The following FGF12 variants were observed in gnomAD, a reference collection of about 807,000 sequenced individuals.
FGF12 encodes fibroblast growth factor 12B.
FGF12 carries 14 observed loss-of-function variants against 23.6 expected under a neutral mutation model. The observed-to-expected ratio is 0.59, with a 90% CI of 0.39 to 0.93. The LOEUF is 0.93. FGF12 is among the 40% of genes least tolerant of loss of function. The pLI, the probability that FGF12 is intolerant of heterozygous loss-of-function variation, is 0.00. For missense variants in FGF12, 175 were observed against 217.8 expected (o/e 0.80, Z 1.24); for synonymous variants, 62 against 77.3 (o/e 0.80, Z 1.04).
chr3:192,569,734 C>T (rs1712507975), intron 2 of FGF12, among the ~76,000 whole-genome samples: 1 of 152,210 alleles, frequency 6.6e-6, no homozygotes, highest in African/African-American at 2.4e-5. Flanking sequence ...GATTTGAACT[C>T]AGATCTGTCT....
intron 2 of FGF12, among the ~76,000 whole-genome samples, chr3:192,690,921 A>C (rs2108719624): frequency 6.6e-6 from 1 of 152,162 alleles, no homozygotes; most frequent in African/African-American, 2.4e-5. Flanking sequence ...TAAGCCAAAA[A>C]CTGTTATAAG....
chr3:192,688,854 G>C (rs1717851698), intron 2 of FGF12, among the ~76,000 whole-genome samples: 1 of 152,058 alleles, frequency 6.6e-6, no homozygotes, highest in Non-Finnish European at 1.5e-5. Flanking sequence ...TTCATCAGTG[G>C]ACAAACGGAT....
intron 2 of FGF12, among the ~76,000 whole-genome samples, chr3:192,537,733 A>T (rs1276656897): frequency 1.3e-5 from 2 of 152,002 alleles, no homozygotes; most frequent in African/African-American, 4.8e-5. Context: ...ATTTTCCCCC[A>T]TTCTGTGGGT....
intron 5 of FGF12, among the ~76,000 whole-genome samples, chr3:192,154,887 G>A (rs1165856750): frequency 7.3e-6 from 1 of 137,496 alleles, no homozygotes; most frequent in Non-Finnish European, 1.6e-5. Context: ...ACAAGCCTGG[G>A]CAATGGCGGG....
At position 192,540,872 on chromosome 3, in the gene FGF12, C is replaced by G. The variant is rs182721025; in HGVS notation, c.14-180334G>C. ...TTACATCATTTTGCTGAATTGATTT[C>G]TTTATCATTATGTAATGACCTTCTT... On this transcript the variant is annotated intron_variant, in intron 2 of 5. Transcript: ENST00000445105. Among the ~76,000 whole-genome samples the G allele has an allele frequency of 4.2e-4, 64 of 152,178 alleles. No homozygotes were observed. In the East Asian group the frequency reaches 9.4e-3, roughly 22 times the overall value.
intron 2 of FGF12, among the ~76,000 whole-genome samples, chr3:192,655,543 A>G (rs1032562102): frequency 1.3e-5 from 2 of 152,216 alleles, no homozygotes; most frequent in Admixed American, 6.5e-5. Flanking sequence ...TGACTTCTAC[A>G]TCAAGGGAAA....
At chr3:192,680,220 G>A (rs556456027) in intron 2 of FGF12, among the ~76,000 whole-genome samples, 1 of 152,178 alleles carries the variant, frequency 6.6e-6, no homozygotes, top group African/African-American at 2.4e-5. Flanking sequence ...GGACACCACT[G>A]TTCCAAACCT....
intron 4 of FGF12, among the ~76,000 whole-genome samples, chr3:192,172,359 G>A (rs1560178106): frequency 1.3e-5 from 2 of 150,206 alleles, no homozygotes; most frequent in Admixed American, 6.7e-5. Context: ...CCACACTCCA[G>A]CTTGGGTGAC....
At chr3:192,631,812 T>C (rs1715400295) in intron 2 of FGF12, among the ~76,000 whole-genome samples, 1 of 152,080 alleles carries the variant, frequency 6.6e-6, no homozygotes, top group Non-Finnish European at 1.5e-5. Flanking sequence ...CCTAGAAAAA[T>C]TATTTGGCCA....
At chr3:192,264,445 A>G (rs1231089068) in intron 4 of FGF12, among the ~76,000 whole-genome samples, 1 of 152,164 alleles carries the variant, frequency 6.6e-6, no homozygotes, top group Non-Finnish European at 1.5e-5. Context: ...GCTTGCATTC[A>G]TAACAGATAA....
chr3:192,572,220 A>T (rs1187832132), intron 2 of FGF12, among the ~76,000 whole-genome samples: 1 of 152,152 alleles, frequency 6.6e-6, no homozygotes, highest in African/African-American at 2.4e-5. Flanking sequence ...GAGCTCTTTC[A>T]CTTCTTCCAT....
At chr3:192,536,400 AAAC>A (rs1160027409) in intron 2 of FGF12, among the ~76,000 whole-genome samples, 18 of 152,214 alleles carry the variant, frequency 1.2e-4, no homozygotes, top group African/African-American at 4.1e-4. Context: ...AAAAGTAAGC[AAAC>A]AACAAACCAA....
chr3:192,469,900 C>T (rs1723121486), intron 2 of FGF12, among the ~76,000 whole-genome samples: 1 of 152,136 alleles, frequency 6.6e-6, no homozygotes, highest in Admixed American at 6.5e-5. Context: ...CACACGCCTA[C>T]ATAAAAATTA....
chr3:192,235,593 A>T (rs1190868927), intron 4 of FGF12, among the ~76,000 whole-genome samples: 1 of 152,072 alleles, frequency 6.6e-6, no homozygotes, highest in Admixed American at 6.6e-5. Context: ...AAGTGCTGGG[A>T]TTACAGGCGT....
intron 4 of FGF12, among the ~76,000 whole-genome samples, chr3:192,318,159 C>T (rs1716329066): frequency 6.6e-6 from 1 of 152,092 alleles, no homozygotes; most frequent in African/African-American, 2.4e-5. Flanking sequence ...ACTGCAAAGA[C>T]TACAAGAAAT....
At chr3:192,292,259 G>T (rs186699776) in intron 4 of FGF12, among the ~76,000 whole-genome samples, 23 of 151,894 alleles carry the variant, frequency 1.5e-4, no homozygotes, top group African/African-American at 5.3e-4. Flanking sequence ...TTGTGTTTGT[G>T]GCATTTTATT....
intron 2 of FGF12, among the ~76,000 whole-genome samples, chr3:192,688,814 A>G (rs1201594399): frequency 1.3e-5 from 2 of 152,258 alleles, no homozygotes; most frequent in Non-Finnish European, 2.9e-5. Context: ...CAGTATTCAC[A>G]ATAGCAAAAA....
chr3:192,698,956 C>T (rs1026196771), intron 2 of FGF12, among the ~76,000 whole-genome samples: 4 of 152,150 alleles, frequency 2.6e-5, no homozygotes, highest in African/African-American at 9.7e-5. Flanking sequence ...TTGACCCTTT[C>T]AGAAAAGTTC....
intron 2 of FGF12, among the ~76,000 whole-genome samples, chr3:192,560,509 G>C (rs1047485483): frequency 6.6e-6 from 1 of 152,010 alleles, no homozygotes; most frequent in African/African-American, 2.4e-5. Flanking sequence ...AGGAATAAAA[G>C]ATGGCATGTC....
Sources: gnomAD v4.1 joint callset for allele counts (sites outside exome capture counted in the v4.1 genomes callset) on GRCh38, gnomAD v4.1.1 for gene constraint, MANE v1.5 for transcripts, NCBI Gene and HGNC (gene_info 2026-07-23, HGNC 2026-07-21) for gene names.